Variants in RAP1GDS1 observed in about 807,000 individuals in gnomAD.
RAP1GDS1 encodes the protein RAP1, GTP-GDP dissociation stimulator 1.
Under a neutral mutation model 71.1 loss-of-function variants are expected in RAP1GDS1, and 35 were observed. The ratio of observed to expected loss-of-function variants is 0.49; its 90% CI spans 0.38 to 0.65. RAP1GDS1 has a LOEUF of 0.65. RAP1GDS1 is among the 30% of genes least tolerant of loss of function. The pLI, the probability that RAP1GDS1 is intolerant of heterozygous loss-of-function variation, is 0.00. For missense variants in RAP1GDS1, 663 were observed against 706.1 expected, an observed-to-expected ratio of 0.94 and a Z score of 0.69; for synonymous variants, 229 against 243.1, an observed-to-expected ratio of 0.94 and a Z score of 0.54.
At chr4:98,406,268 C>T (rs1746101653) in intron 7 of RAP1GDS1, among the ~76,000 whole-genome samples, 1 of 151,820 alleles carries the variant, frequency 6.6e-6, no homozygotes. Flanking sequence ...CCATTTGTCA[C>T]TTGTGTTTTA....
At chr4:98,384,880 A>G (rs1295391827) in intron 5 of RAP1GDS1, among the ~76,000 whole-genome samples, 1 of 151,744 alleles carries the variant, frequency 6.6e-6, no homozygotes, top group Non-Finnish European at 1.5e-5. Context: ...GTTAGCTTCT[A>G]GATTGCTACT....
chr4:98,264,377 CAA>C (rs1722437758), intron 1 of RAP1GDS1, among the ~76,000 whole-genome samples: 3 of 151,982 alleles, frequency 2.0e-5, no homozygotes, highest in Non-Finnish European at 4.4e-5. Context: ...GCCTGGGCAA[CAA>C]GAGGGAAACT....
intron 12 of RAP1GDS1, among the ~76,000 whole-genome samples, chr4:98,430,791 A>T (rs1476499579): frequency 6.6e-6 from 1 of 152,180 alleles, no homozygotes; most frequent in Admixed American, 6.5e-5. Flanking sequence ...CAGCTGTGTG[A>T]ATCACAGCTC....
intron 3 of RAP1GDS1, among the ~76,000 whole-genome samples, chr4:98,351,908 A>C (rs1737261528): frequency 6.6e-6 from 1 of 151,988 alleles, no homozygotes; most frequent in South Asian, 2.1e-4. Flanking sequence ...GACAGGAGTG[A>C]AGATAAGAAG....
intron 4 of RAP1GDS1, among the ~76,000 whole-genome samples, chr4:98,366,801 TA>T (rs1343439541): frequency 6.6e-6 from 1 of 152,138 alleles, no homozygotes; most frequent in Non-Finnish European, 1.5e-5. Context: ...TGATTTAAGG[TA>T]TCTGGCAGAA....
chr4:98,347,529 AAAG>A (rs1354427807), intron 3 of RAP1GDS1, among the ~76,000 whole-genome samples: 2 of 152,208 alleles, frequency 1.3e-5, no homozygotes, highest in African/African-American at 2.4e-5. Flanking sequence ...CAAAGAAAAA[AAAG>A]TGAATTCTAT....
chr4:98,402,601 A>G (rs1745593191), intron 6 of RAP1GDS1, among the ~76,000 whole-genome samples: 1 of 152,208 alleles, frequency 6.6e-6, no homozygotes, highest in African/African-American at 2.4e-5. Context: ...GACAATGTGC[A>G]CCAAAGCAGT....
Position 98,391,413 on chromosome 4 carries a change from C to T in RAP1GDS1, c.509-539C>T, listed in dbSNP as rs540876589. On this transcript the variant is annotated intron_variant, in intron 5 of 14. Transcript: ENST00000408927. ...TTCTGGTACATCTCTTCCTAGCAGTCATCAAGAACACTCTGGTTGCAAATA... is the reference window on the plus strand; with the variant it reads ...TTCTGGTACATCTCTTCCTAGCAGTTATCAAGAACACTCTGGTTGCAAATA... Among the ~76,000 whole-genome samples the T allele has an allele frequency of 2.0e-5, 3 of 152,126 alleles. No individual in the cohort carries two copies. The East Asian group carries it at 5.8e-4, about 29-fold the overall frequency.
At chr4:98,369,783 T>C (rs976474635) in intron 4 of RAP1GDS1, among the ~76,000 whole-genome samples, 26 of 152,202 alleles carry the variant, frequency 1.7e-4, no homozygotes, top group African/African-American at 5.5e-4. Flanking sequence ...TGCTAAGGTA[T>C]GTAGAGCTGT....
chr4:98,343,680 C>T (rs754029921), intron 3 of RAP1GDS1, among the ~76,000 whole-genome samples: 2 of 152,156 alleles, frequency 1.3e-5, no homozygotes, highest in Non-Finnish European at 2.9e-5. Flanking sequence ...ATTGGCACTT[C>T]AACAGTATAG....
chr4:98,375,788 T>C (rs900200636), intron 4 of RAP1GDS1, among the ~76,000 whole-genome samples: 1 of 152,182 alleles, frequency 6.6e-6, no homozygotes, highest in Non-Finnish European at 1.5e-5. Flanking sequence ...GTACCTACTA[T>C]ATACTAGGCA....
chr4:98,402,012 C>A (rs975742675), intron 6 of RAP1GDS1, among the ~76,000 whole-genome samples: 1 of 152,162 alleles, frequency 6.6e-6, no homozygotes, highest in Non-Finnish European at 1.5e-5. Flanking sequence ...TTGGACAATT[C>A]TCTGAAGCAG....
intron 14 of RAP1GDS1, among the ~76,000 whole-genome samples, chr4:98,437,518 G>A (rs959497408): frequency 2.6e-5 from 4 of 152,126 alleles, no homozygotes; most frequent in African/African-American, 9.7e-5. Context: ...AGGAGGCCAG[G>A]CACGGTGGCT....
chr4:98,396,913 G>A (rs952678851), intron 6 of RAP1GDS1: 1 of 152,230 alleles, frequency 6.6e-6, no homozygotes, highest in Non-Finnish European at 1.5e-5. Flanking sequence ...TAACAAATTT[G>A]TGTATTTTTG....
At position 98,392,096 on chromosome 4, in the gene RAP1GDS1, G is replaced by T. The variant is rs1181701886; in HGVS notation, c.637+16G>T. ...GCAGAACTTGGTAAGTCTTAGTCAT[G>T]AACCACAAATGTAATTAACTTATTA... On this transcript the variant is annotated intron_variant, in intron 6 of 14. Coordinates refer to ENST00000408927, the MANE Select transcript of RAP1GDS1 (RefSeq NM_001100427.2). 37 of 1,600,384 alleles carry T rather than the reference G, an allele frequency of 2.3e-5. No homozygotes were observed. Among genetic ancestry groups the T allele is most frequent in the Non-Finnish European group, 2.9e-5 (34 of 1,172,812 alleles).
chr4:98,328,049 G>A (rs1037660555), intron 2 of RAP1GDS1, among the ~76,000 whole-genome samples: 5 of 152,198 alleles, frequency 3.3e-5, no homozygotes, highest in African/African-American at 7.2e-5. Flanking sequence ...CTAGCGTAAA[G>A]ACAACTAATT....
In RAP1GDS1 at chr4:98,443,621, T is replaced by C; in HGVS notation, c.*1504T>C. ...TGGACTTTTGACTCTAAAACAGCTA[T>C]AATCCAAGAAAGTTAAATTCTAATG... On this transcript the variant is annotated 3_prime_UTR_variant, in exon 15 of 15. Transcript: ENST00000408927. 4.6e-6 allele frequency: 1 copy of C among 215,332 alleles called. No individual in the cohort carries two copies. Among genetic ancestry groups the C allele is most frequent in the Non-Finnish European group, 9.4e-6 (1 of 106,830 alleles). 13.3% of individuals were successfully genotyped at this position (215,332 alleles called of 1,614,324 possible).
chr4:98,307,128 AT>A (rs897633360), intron 2 of RAP1GDS1, among the ~76,000 whole-genome samples: 16 of 148,736 alleles, frequency 1.1e-4, no homozygotes, highest in African/African-American at 1.2e-4. Context: ...ACTTAATTGT[AT>A]TTTTTTTTTA....
chr4:98,352,679 A>C (rs1737389893), intron 4 of RAP1GDS1, 78 bp downstream of exon 4: 2 of 1,515,792 alleles, frequency 1.3e-6, no homozygotes, highest in East Asian at 2.4e-5. Flanking sequence ...TTGTGTTAGC[A>C]GTGACTTTTC....
Sources: allele counts gnomAD v4.1 joint callset (sites outside exome capture counted in the v4.1 genomes callset), GRCh38; gene constraint gnomAD v4.1.1; transcripts MANE v1.5; gene names NCBI Gene and HGNC (gene_info 2026-07-23, HGNC 2026-07-21).